The following PALLD variants were observed in gnomAD, a reference collection of about 807,000 sequenced individuals.
PALLD encodes the protein palladin, cytoskeletal associated protein, also known as palladin.
PALLD carries 61 observed loss-of-function variants against 123.5 expected under a neutral mutation model. That is an observed-to-expected ratio of 0.49 (90% CI 0.40 to 0.61). The LOEUF is 0.61. Among genes scored for constraint, PALLD ranks in the 20% least tolerant of loss-of-function variants. The probability of loss-of-function intolerance (pLI) is 0.00; values close to 1 mark genes in which losing one functional copy is unlikely to be tolerated. For missense variants in PALLD, 1,273 were observed against 1,377.0 expected (o/e 0.92, Z 1.20); for synonymous variants, 465 against 496.4 (o/e 0.94, Z 0.84).
chr4:168,782,482 A>G (rs1004435280), intron 10 of PALLD, among the ~76,000 whole-genome samples: 12 of 152,238 alleles, frequency 7.9e-5, no homozygotes, highest in African/African-American at 2.9e-4. Context: ...TTTTTCTAAA[A>G]ACAAAAAACC....
At chr4:168,550,472 T>C (rs1013372271) in intron 2 of PALLD, among the ~76,000 whole-genome samples, 1 of 152,040 alleles carries the variant, frequency 6.6e-6, no homozygotes, top group African/African-American at 2.4e-5. Context: ...GAAAGCCAAA[T>C]GTGGAACCGA....
chr4:168,685,678 ATGGTTACCTT>A, intron 6 of PALLD, 119 bp downstream of exon 6: 1 of 776,526 alleles, frequency 1.3e-6, no homozygotes, highest in Non-Finnish European at 2.3e-6. Context: ...GCTGATTACC[ATGGTTACCTT>A]TGGGACTAAA....
chr4:168,624,737 C>T (rs1184713730), intron 2 of PALLD, among the ~76,000 whole-genome samples: 2 of 151,980 alleles, frequency 1.3e-5, no homozygotes, highest in Non-Finnish European at 2.9e-5. Context: ...GATAGAATGG[C>T]ACACAAGGAA....
chr4:168,744,755 C>T (rs1788690457), intron 10 of PALLD, among the ~76,000 whole-genome samples: 1 of 152,092 alleles, frequency 6.6e-6, no homozygotes, highest in African/African-American at 2.4e-5. Flanking sequence ...CAAGTATAAC[C>T]ATTCTGTTTG....
chr4:168,835,709 G>GT (rs1288354677), intron 10 of PALLD, among the ~76,000 whole-genome samples: 23 of 152,058 alleles, frequency 1.5e-4, no homozygotes, highest in Middle Eastern at 3.4e-3. Context: ...TTGTTTTGTT[G>GT]TTTTTTTGAG....
At chr4:168,688,682 G>A (rs1029066360) in intron 6 of PALLD, among the ~76,000 whole-genome samples, 2 of 152,176 alleles carry the variant, frequency 1.3e-5, no homozygotes, top group Admixed American at 1.3e-4. Flanking sequence ...TTAGCTCCAG[G>A]AGGATCCAAA....
intron 2 of PALLD, among the ~76,000 whole-genome samples, chr4:168,572,646 C>T (rs1467560749): frequency 6.6e-6 from 1 of 151,838 alleles, no homozygotes; most frequent in Non-Finnish European, 1.5e-5. Context: ...CACCATCTAG[C>T]CACTTGCTTA....
chr4:168,787,941 T>A (rs552836753), intron 10 of PALLD, among the ~76,000 whole-genome samples: 2 of 152,330 alleles, frequency 1.3e-5, no homozygotes, highest in African/African-American at 2.4e-5. Flanking sequence ...TAAATGAGAT[T>A]TCAGGTTTGC....
intron 8 of PALLD, among the ~76,000 whole-genome samples, chr4:168,693,253 A>C (rs1782819961): frequency 6.7e-6 from 1 of 149,926 alleles, no homozygotes; most frequent in Non-Finnish European, 1.5e-5. Context: ...CCCTACATAC[A>C]CTCCTTCTGT....
intron 2 of PALLD, among the ~76,000 whole-genome samples, chr4:168,555,718 C>T (rs955531591): frequency 6.6e-6 from 1 of 152,196 alleles, no homozygotes; most frequent in Non-Finnish European, 1.5e-5. Flanking sequence ...CCAAGCATAA[C>T]ACATTTAGAA....
chr4:168,558,778 G>C (rs891575675), intron 2 of PALLD, among the ~76,000 whole-genome samples: 3 of 152,078 alleles, frequency 2.0e-5, no homozygotes, highest in Non-Finnish European at 4.4e-5. Context: ...AATTTCTTTG[G>C]AATGCCATTT....
chr4:168,622,538 G>A (rs925044880), intron 2 of PALLD, among the ~76,000 whole-genome samples: 3 of 152,140 alleles, frequency 2.0e-5, no homozygotes, highest in Admixed American at 6.5e-5. Flanking sequence ...TTTCAGCCCA[G>A]AAGAAAAGAA....
chr4:168,559,092 G>A (rs1767606134), intron 2 of PALLD, among the ~76,000 whole-genome samples: 1 of 152,142 alleles, frequency 6.6e-6, no homozygotes, highest in South Asian at 2.1e-4. Context: ...AATTACAAAT[G>A]ACTTAACAGA....
At chr4:168,755,121 T>A (rs1581291954) in intron 10 of PALLD, among the ~76,000 whole-genome samples, 1 of 151,356 alleles carries the variant, frequency 6.6e-6, no homozygotes, top group East Asian at 2.0e-4. Context: ...TAGTCTCAGC[T>A]ACTTGGGAGG....
chr4:168,556,980 T>TC (rs1341656543), intron 2 of PALLD, among the ~76,000 whole-genome samples: 16 of 152,264 alleles, frequency 1.1e-4, no homozygotes, highest in African/African-American at 2.6e-4. Flanking sequence ...GTAATCAGCC[T>TC]CCCCCGGGAA....
intron 15 of PALLD, among the ~76,000 whole-genome samples, chr4:168,909,061 CAT>C (rs998961373): frequency 6.6e-6 from 1 of 152,150 alleles, no homozygotes; most frequent in Non-Finnish European, 1.5e-5. Flanking sequence ...AAAGCAATCA[CAT>C]AGTTTAGCAA....
intron 10 of PALLD, among the ~76,000 whole-genome samples, chr4:168,820,395 C>G (rs1234806647): frequency 6.6e-6 from 1 of 152,152 alleles, no homozygotes; most frequent in Non-Finnish European, 1.5e-5. Flanking sequence ...GCAATTAAAA[C>G]TAGTAACAAT....
At chr4:168,532,823 T>C (rs906549911) in intron 2 of PALLD, among the ~76,000 whole-genome samples, 1 of 152,122 alleles carries the variant, frequency 6.6e-6, no homozygotes, top group Non-Finnish European at 1.5e-5. Flanking sequence ...AGGGAAACCA[T>C]TGAAAGAAAC....
intron 8 of PALLD, among the ~76,000 whole-genome samples, chr4:168,704,815 A>G (rs910283035): frequency 6.6e-6 from 1 of 152,084 alleles, no homozygotes; most frequent in African/African-American, 2.4e-5. Context: ...TACAGACTCA[A>G]TAGGAGGGGT....
Sources: gnomAD v4.1 joint callset for allele counts (sites outside exome capture counted in the v4.1 genomes callset) on GRCh38, gnomAD v4.1.1 for gene constraint, MANE v1.5 for transcripts, NCBI Gene and HGNC (gene_info 2026-07-23, HGNC 2026-07-21) for gene names.